The following HIPK3 variants were observed in gnomAD, a reference collection of about 807,000 sequenced individuals.
The protein encoded by HIPK3 is homeodomain interacting protein kinase 3.
Under a neutral mutation model 124.2 loss-of-function variants are expected in HIPK3, and 47 were observed. The ratio of observed to expected loss-of-function variants is 0.38; its 90% CI spans 0.30 to 0.48. The LOEUF is 0.48. Among genes scored for constraint, HIPK3 ranks in the 20% least tolerant of loss-of-function variants. The probability of loss-of-function intolerance (pLI) is 0.98; values close to 1 mark genes in which losing one functional copy is unlikely to be tolerated. For missense variants in HIPK3, 1,286 were observed against 1,454.3 expected (o/e 0.88, Z 1.88); for synonymous variants, 482 against 515.2 (o/e 0.94, Z 0.87).
At chr11:33,326,839 T>TA (rs199731161) in intron 2 of HIPK3, among the ~76,000 whole-genome samples, 3 of 151,558 alleles carry the variant, frequency 2.0e-5, no homozygotes, top group Non-Finnish European at 2.9e-5. Flanking sequence ...CCTGGCTAAT[T>TA]AAAAAAAATT....
At chr11:33,289,919 T>C (rs552398506) in intron 2 of HIPK3, among the ~76,000 whole-genome samples, 1 of 152,356 alleles carries the variant, frequency 6.6e-6, no homozygotes, top group Admixed American at 6.5e-5. Context: ...TGTGAAGTTT[T>C]GTCTTTCTGT....
At chr11:33,284,655 G>T (rs556123416) in intron 1 of HIPK3, among the ~76,000 whole-genome samples, 8 of 152,156 alleles carry the variant, frequency 5.3e-5, no homozygotes, top group Non-Finnish European at 1.0e-4. Flanking sequence ...GTTAAAAGAA[G>T]AAAGGGTAGA....
Position 33,287,344 on chromosome 11 carries a change from GA to G in HIPK3, c.936del (p.Lys312AsnfsTer2). The G allele has an allele frequency of 6.2e-7, 1 of 1,614,138 alleles. No individual in the cohort carries two copies. Among genetic ancestry groups the G allele is most frequent in the Non-Finnish European group, 8.5e-7 (1 of 1,180,018 alleles). On this transcript the variant is annotated frameshift_variant, in exon 2 of 17. Transcript: ENST00000303296. LOFTEE classifies it high-confidence loss of function. ...TTCTTCAACAAGTGGCCACTGCACT[GA>G]AAAAATTGAAAAGTCTTGGTTTAAT... The part of the protein sequence containing the change: ...PILQQVATAL[K>X]KLKSLGLIHA...
At chr11:33,316,796 C>T (rs907297163) in intron 2 of HIPK3, among the ~76,000 whole-genome samples, 9 of 152,076 alleles carry the variant, frequency 5.9e-5, no homozygotes. Flanking sequence ...GCTCTCCAGC[C>T]TGGGCTATAG....
At chr11:33,337,018 T>G in intron 3 of HIPK3, 57 bp from the exon 4 acceptor site, 1 of 1,314,146 alleles carries the variant, frequency 7.6e-7, no homozygotes, top group African/African-American at 1.5e-5. Context: ...AGTGTCTGAC[T>G]TAAGTGTTCT....
chr11:33,347,645 C>T lies in HIPK3; in HGVS notation c.2036C>T (p.Thr679Ile), dbSNP rs1853536392. 6.2e-7 allele frequency: 1 copy of T among 1,614,046 alleles called. No individual in the cohort carries two copies. The highest frequency in any genetic ancestry group is 2.2e-5 in the East Asian group (1 of 44,876). ...TGCAAGCAGACGTGGTCTGGTAGAA[C>T]ACAGCAGATGCTGGTGCCTGCCTGG... ...GVLSQTWSGR[T>I]QQMLVPAWQQ... The change falls in exon 10 of 17, where the codon ACA (threonine) becomes ATA (isoleucine). Residue 679 changes from threonine (T) to isoleucine (I), a missense_variant. By Grantham distance (89) the Thr-to-Ile change is moderately conservative (BLOSUM62 -1). This residue lies in a region of HIPK3 where 810 missense variants were observed against 864.9 expected (regional missense o/e 0.94). Coordinates refer to ENST00000303296, the MANE Select transcript of HIPK3 (RefSeq NM_005734.5).
chr11:33,257,373 G>C, upstream of HIPK3: 1 of 985,002 alleles, frequency 1.0e-6, no homozygotes, highest in Non-Finnish European at 1.2e-6. Context: ...CCCGAGGCTG[G>C]GGCGGCTGGT....
At chr11:33,340,197 C>T (rs1229465295) in intron 6 of HIPK3, among the ~76,000 whole-genome samples, 2 of 152,220 alleles carry the variant, frequency 1.3e-5, no homozygotes, top group East Asian at 3.9e-4. Context: ...CCTCCCACCA[C>T]CTCAGCCTCC....
chr11:33,314,797 C>G (rs964044335), intron 2 of HIPK3, among the ~76,000 whole-genome samples: 1 of 152,050 alleles, frequency 6.6e-6, no homozygotes, highest in African/African-American at 2.4e-5. Flanking sequence ...TCTGATCTAG[C>G]CTAAATATAC....
rs1565102484 is a variant in HIPK3, at chr11:33,353,529, A to C, written c.3609A>C (p.Pro1203=). 2 of 1,613,486 alleles carry C rather than the reference A, an allele frequency of 1.2e-6. No individual in the cohort carries two copies. The highest frequency in any genetic ancestry group is 2.7e-5 in the African/African-American group (2 of 75,038). ...CATCACCTGCATATACTGGATTTCC[A>C]CTGAGTCCAACAAAACTCAGCCAGT... The part of the protein sequence containing the change: ...IAASPAYTGF[P]LSPTKLSQYP... Residue 1203 remains proline, a synonymous_variant, in exon 17 of 17, where the codon CCA becomes CCC. Transcript: ENST00000303296.
intron 6 of HIPK3, among the ~76,000 whole-genome samples, chr11:33,340,287 G>C: frequency 6.6e-6 from 1 of 152,160 alleles, no homozygotes; most frequent in Non-Finnish European, 1.5e-5. Context: ...TGTCACCCAG[G>C]TTGGTCTCGA....
Position 33,339,525 on chromosome 11 carries a change from A to G in HIPK3, c.1604A>G (p.His535Arg). 6.3e-7 allele frequency: 1 copy of G among 1,596,374 alleles called. No homozygotes were observed. Among genetic ancestry groups the G allele is most frequent in the Non-Finnish European group, 8.6e-7 (1 of 1,167,028 alleles). ...ATGAAACATCTTCTAGATTTCCCTC[A>G]TAGCAACCAGTATGTTACTTTAAGA... is the stretch of plus-strand genomic sequence containing the variant. ...VNMKHLLDFP[H>R]SNHVKSCFHI... The change falls in exon 6 of 17, where the codon CAT (histidine) becomes CGT (arginine). Residue 535 changes from histidine to arginine, a missense_variant. His to Arg is a conservative substitution (Grantham distance 29). This residue lies in a region of HIPK3 where 810 missense variants were observed against 864.9 expected (regional missense o/e 0.94). Coordinates refer to ENST00000303296, the MANE Select transcript of HIPK3 (RefSeq NM_005734.5).
chr11:33,349,278 G>T lies in HIPK3; in HGVS notation c.2798G>T (p.Arg933Ile), dbSNP rs143130710. ...SGQSSPSPCK[R>I]PNSMSDEEQE... is the part of the protein sequence containing the mutation. ...CAGTCCAGCCCATCCCCCTGCAAGA[G>T]ACCGAATAGGTAAAAGAATCTCAAT... The change falls in exon 14 of 17, where the codon AGA becomes ATA. Residue 933 changes from arginine (R) to isoleucine (I), a missense_variant. Coordinates refer to ENST00000303296, the MANE Select transcript of HIPK3 (RefSeq NM_005734.5). 134 of 1,610,838 alleles carry T rather than the reference G, an allele frequency of 8.3e-5. No individual in the cohort carries two copies. Among genetic ancestry groups the T allele is most frequent in the Middle Eastern group, 1.7e-4 (1 of 6,044 alleles).
chr11:33,319,292 C>G (rs576041083), intron 2 of HIPK3, among the ~76,000 whole-genome samples: 4 of 152,168 alleles, frequency 2.6e-5, no homozygotes, highest in Non-Finnish European at 5.9e-5. Context: ...GTCAAGAGAT[C>G]GAGACCATCC....
chr11:33,325,887 T>C lies in HIPK3; in HGVS notation c.1098-2623T>C, dbSNP rs998223880. ...ATTATACCTAAATATAATTAATGTG[T>C]ATACATCCATACACACACTTGAATA... On this transcript the variant is annotated intron_variant, in intron 2 of 16. Coordinates refer to ENST00000303296, the MANE Select transcript of HIPK3 (RefSeq NM_005734.5). 2.0e-5 allele frequency among the ~76,000 whole-genome samples: 3 copies of C among 152,228 alleles called. No homozygotes were observed. In the South Asian group the frequency reaches 6.2e-4, roughly 31 times the overall value.
In HIPK3 at chr11:33,340,891, T is replaced by C. The variant is rs1299201775; in HGVS notation, c.1614-77T>C. 4.7e-6 allele frequency: 4 copies of C among 845,260 alleles called. No homozygotes were observed. The Admixed American group carries it at 9.6e-5, about 20-fold the overall frequency. The allele number at this position is 845,260 out of a possible 1,614,324, so 52.4% of individuals were successfully genotyped here. On this transcript the variant is annotated intron_variant, in intron 6 of 16. Coordinates refer to ENST00000303296, the MANE Select transcript of HIPK3 (RefSeq NM_005734.5). ...TTTTTTTCTTTTAGGAATAATTTTT[T>C]TATTTTGTCAATGTACCTCAATTTA...
intron 2 of HIPK3, among the ~76,000 whole-genome samples, chr11:33,301,930 CTT>C (rs1852012381): frequency 6.6e-6 from 1 of 151,700 alleles, no homozygotes; most frequent in Admixed American, 6.6e-5. Context: ...AGATAGGTCT[CTT>C]AAGTACTTTT....
At chr11:33,321,729 ATACTGCTT>A (rs1852668442) in intron 2 of HIPK3, among the ~76,000 whole-genome samples, 1 of 152,208 alleles carries the variant, frequency 6.6e-6, no homozygotes, top group Non-Finnish European at 1.5e-5. Context: ...AGGAATGTAT[ATACTGCTT>A]TACATTTCAC....
In HIPK3 at chr11:33,264,736, A is replaced by G. The variant is rs940584434; in HGVS notation, c.-3+6847A>G. ...CTTTAACTTCCCCCTACTTGGTTGT[A>G]TATTATTTATAAGCATACAAAATAT... On this transcript the variant is annotated intron_variant, in intron 1 of 16. Coordinates refer to ENST00000303296, the MANE Select transcript of HIPK3 (RefSeq NM_005734.5). Among the ~76,000 whole-genome samples, 6 of 152,334 alleles carry G rather than the reference A, an allele frequency of 3.9e-5. 1 individual carries two copies. In the South Asian group the frequency reaches 6.2e-4, roughly 16 times the overall value.
Sources: gnomAD v4.1 joint callset for allele counts (sites outside exome capture counted in the v4.1 genomes callset) on GRCh38, gnomAD v4.1.1 for gene constraint, gnomAD v4.1.1 regional missense constraint, MANE v1.5 for transcripts, NCBI Gene and HGNC (gene_info 2026-07-23, HGNC 2026-07-21) for gene names.